The following MYO5B variants were observed in gnomAD, a reference collection of about 807,000 sequenced individuals.
MYO5B encodes unconventional myosin-Vb.
A neutral mutation model predicts 229.3 loss-of-function variants in MYO5B; 143 were observed. The observed-to-expected ratio is 0.62, with a 90% CI of 0.54 to 0.72. The LOEUF is 0.72. MYO5B is among the 30% of genes least tolerant of loss of function. MYO5B has a pLI of 0.00. For synonymous variants in MYO5B, 918 were observed against 885.2 expected, an observed-to-expected ratio of 1.04 and a Z score of -0.66; for missense variants, 2,321 against 2,331.0, an observed-to-expected ratio of 1.00 and a Z score of 0.09.
intron 10 of MYO5B, among the ~76,000 whole-genome samples, chr18:49,968,033 C>A (rs1338799513): frequency 6.6e-6 from 1 of 152,170 alleles, no homozygotes; most frequent in Non-Finnish European, 1.5e-5. Flanking sequence ...GTATGGCGAT[C>A]CTCTCCCAAC....
rs577054276 is a variant in MYO5B, at chr18:50,001,309, C to T, written c.558G>A (p.Ser186=). ...AMRYFATVGG[S]ASETNIEEKV... ...TCTCTTCGATGTTGGTTTCACTGGC[C>T]GAGCCACCAACGGTGGCGAAATAGC... The change falls in exon 5 of 40, where the codon TCG becomes TCA. Residue 186 remains serine (S), a synonymous_variant. Coordinates refer to ENST00000285039, the MANE Select transcript of MYO5B (RefSeq NM_001080467.3). 31 of 1,614,132 alleles carry T rather than the reference C, an allele frequency of 1.9e-5. No homozygotes were observed. Among genetic ancestry groups the T allele is most frequent in the Middle Eastern group, 1.6e-4 (1 of 6,062 alleles).
rs147947687 is a variant in MYO5B at position 50,159,143 on chromosome 18, A to AC, written c.27+35623dup. ...GTCAATCACTTCTGAAAATAAACAG[A>AC]CCTAGTTGAGAAGGTGCACAGCCAG... On this transcript the variant is annotated intron_variant, in intron 1 of 39. Transcript: ENST00000285039. Among the ~76,000 whole-genome samples, 598 of 152,208 alleles carry AC rather than the reference A, an allele frequency of 3.9e-3. 3 individuals are homozygous for AC. The highest frequency in any genetic ancestry group is 0.013 in the African/African-American group (529 of 41,546).
intron 1 of MYO5B, among the ~76,000 whole-genome samples, chr18:50,147,589 C>T (rs943308531): frequency 2.8e-4 from 42 of 152,172 alleles, no homozygotes; most frequent in African/African-American, 9.9e-4. Context: ...GACATTGTGC[C>T]CATTCTAGTG....
rs2276170 is a variant in MYO5B at position 49,843,388 on chromosome 18, C to T, written c.4464G>A (p.Leu1488=). ...ALLIRNLVTD[L]KPQMLSGTVP... Reference sequence around the variant, plus strand: ...CTGTGCCCGACAGCATCTGGGGCTTCAAGTCTAAGGGCAACGAGAGCAGCA... The same window carrying T: ...CTGTGCCCGACAGCATCTGGGGCTTTAAGTCTAAGGGCAACGAGAGCAGCA... Residue 1488 remains leucine, a synonymous_variant, in exon 34 of 40, where the codon TTG becomes TTA. Transcript: ENST00000285039. The T allele has an allele frequency of 0.073, 117,905 of 1,613,966 alleles. 9,304 individuals are homozygous for T. The highest frequency in any genetic ancestry group is 0.35 in the East Asian group (15,663 of 44,850).
chr18:49,828,700 A>T (rs1261393098), intron 39 of MYO5B, among the ~76,000 whole-genome samples: 1 of 152,232 alleles, frequency 6.6e-6, no homozygotes, highest in Non-Finnish European at 1.5e-5. Flanking sequence ...AAGCCATATG[A>T]AATATTTTTT....
intron 12 of MYO5B, among the ~76,000 whole-genome samples, chr18:49,959,119 C>T (rs904489978): frequency 5.6e-5 from 8 of 143,160 alleles, no homozygotes; most frequent in African/African-American, 2.1e-4. Flanking sequence ...TGTGACATTC[C>T]CTTCACCTGG....
At chr18:49,943,965 T>A (rs2025343768) in intron 14 of MYO5B, among the ~76,000 whole-genome samples, 1 of 152,136 alleles carries the variant, frequency 6.6e-6, no homozygotes, top group Non-Finnish European at 1.5e-5. Flanking sequence ...ATGGCACCTA[T>A]GAAGGAGCTC....
intron 17 of MYO5B, among the ~76,000 whole-genome samples, chr18:49,918,104 C>T (rs775586122): frequency 2.6e-5 from 4 of 152,192 alleles, no homozygotes; most frequent in Non-Finnish European, 4.4e-5. Context: ...GTGCAGGAAG[C>T]GCAGTAGCTT....
chr18:49,976,032 T>A (rs950997991), intron 9 of MYO5B, among the ~76,000 whole-genome samples: 1 of 152,244 alleles, frequency 6.6e-6, no homozygotes, highest in Non-Finnish European at 1.5e-5. Context: ...CTGCTCATCG[T>A]TGTTATTCAT....
At chr18:49,947,939 T>C (rs759875507) in intron 14 of MYO5B, among the ~76,000 whole-genome samples, 1 of 152,242 alleles carries the variant, frequency 6.6e-6, no homozygotes, top group Non-Finnish European at 1.5e-5. Flanking sequence ...TGTATACATG[T>C]GCCATGTTGG....
At chr18:49,936,651 G>A (rs1156417045) in intron 15 of MYO5B, among the ~76,000 whole-genome samples, 5 of 152,172 alleles carry the variant, frequency 3.3e-5, no homozygotes, top group Non-Finnish European at 7.4e-5. Context: ...AAATACTGTA[G>A]GAGAGATTTG....
chr18:49,960,204 CA>C (rs2025542907), intron 12 of MYO5B, among the ~76,000 whole-genome samples: 1 of 152,206 alleles, frequency 6.6e-6, no homozygotes, highest in African/African-American at 2.4e-5. Flanking sequence ...GCTTCTGCAC[CA>C]TGAGTCCAAT....
intron 4 of MYO5B, among the ~76,000 whole-genome samples, chr18:50,031,984 G>A (rs1312127951): frequency 3.9e-5 from 6 of 152,158 alleles, no homozygotes; most frequent in Non-Finnish European, 8.8e-5. Context: ...TTAACCCACG[G>A]TTTCCCAAAC....
intron 1 of MYO5B, among the ~76,000 whole-genome samples, chr18:50,155,870 A>C (rs551391717): frequency 6.6e-6 from 1 of 152,374 alleles, no homozygotes; most frequent in South Asian, 2.1e-4. Context: ...TGACTTCAAC[A>C]TAAGTTTGGT....
chr18:50,119,898 T>G (rs533610968), intron 1 of MYO5B, among the ~76,000 whole-genome samples: 30 of 152,266 alleles, frequency 2.0e-4, no homozygotes, highest in Non-Finnish European at 1.3e-4. Context: ...AATGAACTGG[T>G]GAACTAGACC....
At chr18:49,828,212 A>C (rs1194214571) in intron 39 of MYO5B, among the ~76,000 whole-genome samples, 1 of 152,218 alleles carries the variant, frequency 6.6e-6, no homozygotes. Flanking sequence ...TTTCATCAGA[A>C]ACCATGGAGG....
In MYO5B at chr18:50,099,654, A is replaced by T. The variant is rs1321625777; in HGVS notation, c.28-44276T>A. ...GGGGTGATTTGGGCCCCCAGGAAAC[A>T]TATGGCAAGGACTGGAGCTTTGAGC... On this transcript the variant is annotated intron_variant, in intron 1 of 39. Coordinates refer to ENST00000285039, the MANE Select transcript of MYO5B (RefSeq NM_001080467.3). Among the ~76,000 whole-genome samples, 4 of 152,202 alleles carry T rather than the reference A, an allele frequency of 2.6e-5. No homozygotes were observed. In the East Asian group the frequency reaches 7.7e-4, roughly 29 times the overall value.
chr18:50,061,949 C>A (rs1226318744), intron 1 of MYO5B, among the ~76,000 whole-genome samples: 8 of 152,164 alleles, frequency 5.3e-5, no homozygotes, highest in Non-Finnish European at 1.2e-4. Context: ...GGTTATCAAT[C>A]CTCTTTTATA....
At chr18:49,910,447 A>G (rs1490301006) in intron 18 of MYO5B, among the ~76,000 whole-genome samples, 1 of 152,218 alleles carries the variant, frequency 6.6e-6, no homozygotes, top group Non-Finnish European at 1.5e-5. Context: ...TTTCTTGTCC[A>G]TAAAAAGTAA....
Sources: allele counts gnomAD v4.1 joint callset (sites outside exome capture counted in the v4.1 genomes callset), GRCh38; gene constraint gnomAD v4.1.1; transcripts MANE v1.5; gene names NCBI Gene and HGNC (gene_info 2026-07-23, HGNC 2026-07-21).